Variants in ANKRD36C observed in about 807,000 individuals in gnomAD.
ANKRD36C encodes the protein ankyrin repeat domain-containing protein 36C.
In ANKRD36C, 61 loss-of-function variants were observed where a neutral mutation model predicts 276.4. That is an observed-to-expected ratio of 0.22 (90% CI 0.18 to 0.27). The LOEUF (loss-of-function observed/expected upper bound fraction) is 0.27, where lower values mean the gene tolerates loss of function less well. Among genes scored for constraint, ANKRD36C ranks in the 10% least tolerant of loss-of-function variants. The pLI is 1.00. For missense variants in ANKRD36C, 1,447 were observed against 2,032.3 expected (o/e 0.71, Z 5.54); for synonymous variants, 483 against 680.1 (o/e 0.71, Z 4.51).
exon 42 of ANKRD36C, chr2:95,912,303 T>C: frequency 6.3e-7 from 1 of 1,576,712 alleles, no homozygotes; most frequent in Non-Finnish European, 8.6e-7. Flanking sequence ...AGAATCTTTC[T>C]CATCACTTGT....
intron 6 of ANKRD36C, among the ~76,000 whole-genome samples, chr2:95,972,048 T>C (rs1678711408): frequency 6.6e-6 from 1 of 152,158 alleles, no homozygotes; most frequent in Admixed American, 6.6e-5. Flanking sequence ...TTAAGACACC[T>C]AAAATTAAGT....
At position 95,948,721 on chromosome 2, in the gene ANKRD36C, GT is replaced by G; in HGVS notation, c.1296-126del. On this transcript the variant is annotated intron_variant, in intron 16 of 66. Transcript: ENST00000456556. The stretch of plus-strand genomic sequence containing the variant: ...GTAAAACAAAGTCTGAGGAAGGTCA[GT>G]TATCCTTATATTAAATAATATTTCT... 5.2e-6 allele frequency: 4 copies of G among 774,764 alleles called. No homozygotes were observed. The South Asian group carries it at 7.6e-5, about 15-fold the overall frequency. 48.0% of individuals were successfully genotyped at this position (774,764 alleles called of 1,614,324 possible).
intron 40 of ANKRD36C, among the ~76,000 whole-genome samples, chr2:95,913,306 G>A (rs1676990276): frequency 6.6e-6 from 1 of 150,806 alleles, no homozygotes; most frequent in African/African-American, 2.4e-5. Context: ...GGAGTATCGT[G>A]TTATTCTCTA....
rs575719553 is a variant in ANKRD36C, at chr2:95,912,397, G to C, written c.2580+10C>G. 5.4e-5 allele frequency: 86 copies of C among 1,604,052 alleles called. No individual in the cohort carries two copies. The African/African-American group carries it at 9.0e-4, about 17-fold the overall frequency. ...TTACTAGCTCACAATATGAATGAGA[G>C]TTTCATTACCTTCAAGGCTGGTTTT... On this transcript the variant is annotated intron_variant, in intron 41 of 66. Transcript: ENST00000456556.
chr2:95,910,980 C>A (rs1351552799), intron 42 of ANKRD36C, among the ~76,000 whole-genome samples: 7 of 151,438 alleles, frequency 4.6e-5, no homozygotes, highest in Non-Finnish European at 8.9e-5. Context: ...CATTATACTA[C>A]AAACATTCAT....
exon 27 of ANKRD36C, chr2:95,927,386 C>T: frequency 1.2e-6 from 2 of 1,605,882 alleles, no homozygotes; most frequent in Non-Finnish European, 1.7e-6. Context: ...ATTACCTTCT[C>T]AGCTGGTTGT....
exon 5 of ANKRD36C, chr2:95,980,720 T>C (rs1342586303): frequency 1.2e-6 from 2 of 1,612,074 alleles, no homozygotes; most frequent in South Asian, 1.1e-5. Flanking sequence ...CACATCAATA[T>C]TGTGCTGCAG....
At chr2:95,934,304 C>G (rs7597765) in intron 24 of ANKRD36C, among the ~76,000 whole-genome samples, 61,737 of 151,638 alleles carry the variant, frequency 0.41, 13,419 homozygotes, top group East Asian at 0.66. Context: ...ACATGCACAT[C>G]TATGTCTATT....
At position 95,925,245 on chromosome 2, in the gene ANKRD36C, T is replaced by C. The variant is rs1677371497; in HGVS notation, c.2041+107A>G. ...TAGAAATGCACAATCTCAGGCCTGC[T>C]TAATCAGAAAGTGCATTTTCAATGA... On this transcript the variant is annotated intron_variant, in intron 30 of 66. Transcript: ENST00000456556. 2.6e-6 allele frequency: 4 copies of C among 1,513,186 alleles called. No individual in the cohort carries two copies. In the African/African-American group the frequency reaches 4.2e-5, roughly 16 times the overall value. The allele number at this position is 1,513,186 out of a possible 1,614,324, so 93.7% of individuals were successfully genotyped here. A position where few individuals can be genotyped will look rare whatever the true frequency, so the allele number is the denominator to read the frequency against.
exon 63 of ANKRD36C, chr2:95,855,395 T>C (rs554340503): frequency 6.2e-7 from 1 of 1,613,570 alleles, no homozygotes; most frequent in East Asian, 2.2e-5. Context: ...GAAGGTTTTC[T>C]ACTCTAGCAT....
At chr2:95,850,856 G>C (rs1357134873), downstream of ANKRD36C, among the ~76,000 whole-genome samples, 1 of 152,166 alleles carries the variant, frequency 6.6e-6, no homozygotes, top group East Asian at 1.9e-4. Flanking sequence ...TGTTTTGTGA[G>C]AACAGTTTCA....
chr2:95,909,887 G>GCCTCTTTT (rs1391689853), intron 42 of ANKRD36C, among the ~76,000 whole-genome samples: 3 of 148,684 alleles, frequency 2.0e-5, no homozygotes, highest in Non-Finnish European at 4.5e-5. Flanking sequence ...ATAAATGACT[G>GCCTCTTTT]CCTCTTTTCA....
intron 61 of ANKRD36C, among the ~76,000 whole-genome samples, chr2:95,859,600 A>G (rs1245096250): frequency 6.6e-6 from 1 of 152,196 alleles, no homozygotes; most frequent in African/African-American, 2.4e-5. Flanking sequence ...CAATTCTTCA[A>G]TTAAATAATG....
At position 95,967,689 on chromosome 2, in the gene ANKRD36C, G is replaced by A. The variant is rs900120736; in HGVS notation, c.800-5142C>T. 7.2e-5 allele frequency among the ~76,000 whole-genome samples: 11 copies of A among 151,796 alleles called. No homozygotes were observed. In the South Asian group the frequency reaches 8.3e-4, roughly 11 times the overall value. ...TATATATATATATGTACAGTGGCTC[G>A]TTCCTGTAATCTCAGCTACTCAGAA... On this transcript the variant is annotated intron_variant, in intron 6 of 66. Coordinates refer to ENST00000456556, the Ensembl canonical transcript of ANKRD36C.
At chr2:95,891,978 T>C in intron 44 of ANKRD36C, 118 bp from the exon 65 acceptor site, 1 of 1,496,182 alleles carries the variant, frequency 6.7e-7, no homozygotes, top group Non-Finnish European at 9.1e-7. Flanking sequence ...TAGGCTTTGA[T>C]GGCTTCTACT....
At chr2:95,929,812 T>G (rs1573775758) in intron 24 of ANKRD36C, among the ~76,000 whole-genome samples, 3 of 151,592 alleles carry the variant, frequency 2.0e-5, no homozygotes, top group African/African-American at 7.2e-5. Flanking sequence ...ATATGTTTGG[T>G]GAATTCTAGT....
intron 42 of ANKRD36C, 121 bp downstream of exon 48, chr2:95,908,381 A>C: frequency 8.5e-7 from 1 of 1,178,480 alleles, no homozygotes; most frequent in Non-Finnish European, 1.2e-6. Context: ...TGAAATGAAG[A>C]ATCTCAGGAC....
chr2:95,921,618 T>C, exon 34 of ANKRD36C: 1 of 1,608,064 alleles, frequency 6.2e-7, no homozygotes, highest in South Asian at 1.1e-5. Flanking sequence ...TGTCCCAGAT[T>C]TTTCTCCATC....
intron 6 of ANKRD36C, among the ~76,000 whole-genome samples, chr2:95,966,011 A>G (rs1678583870): frequency 6.6e-6 from 1 of 152,196 alleles, no homozygotes; most frequent in African/African-American, 2.4e-5. Flanking sequence ...TTTTAGTAGT[A>G]TAGAGAACCC....
Sources: gnomAD v4.1 joint callset for allele counts (sites outside exome capture counted in the v4.1 genomes callset) on GRCh38, gnomAD v4.1.1 for gene constraint, MANE v1.5 for transcripts, NCBI Gene and HGNC (gene_info 2026-07-23, HGNC 2026-07-21) for gene names.